POU6F2: variants seen among roughly 807,000 people sequenced by gnomAD.
The protein encoded by POU6F2 is POU domain, class 6, transcription factor 2.
Under a neutral mutation model 71.3 loss-of-function variants are expected in POU6F2, and 31 were observed. The ratio of observed to expected loss-of-function variants is 0.43; its 90% CI spans 0.33 to 0.59. The LOEUF is 0.59. POU6F2 is among the 20% of genes least tolerant of loss of function. The pLI, the probability that POU6F2 is intolerant of heterozygous loss-of-function variation, is 0.04. For synonymous variants in POU6F2, 347 were observed against 355.7 expected, an observed-to-expected ratio of 0.98 and a Z score of 0.27; for missense variants, 783 against 856.8, an observed-to-expected ratio of 0.91 and a Z score of 1.07.
chr7:39,366,267 A>G (rs919936805), intron 5 of POU6F2, among the ~76,000 whole-genome samples: 2 of 152,080 alleles, frequency 1.3e-5, no homozygotes, highest in African/African-American at 4.8e-5. Context: ...CTTGGGAGAT[A>G]CGGCTGAGGT....
At chr7:39,075,622 G>A (rs1464924) in intron 1 of POU6F2, among the ~76,000 whole-genome samples, 98,510 of 151,928 alleles carry the variant, frequency 0.65, 32,393 homozygotes, top group East Asian at 0.89. Context: ...CTTCTAATAC[G>A]CTGTGTGTTT....
chr7:39,388,816 C>G (rs182745801), intron 5 of POU6F2, among the ~76,000 whole-genome samples: 140 of 152,236 alleles, frequency 9.2e-4, no homozygotes, highest in Middle Eastern at 3.4e-3. Context: ...GAAACCATTT[C>G]TACTTGAGAT....
intron 5 of POU6F2, among the ~76,000 whole-genome samples, chr7:39,389,718 A>G (rs1040130801): frequency 6.6e-6 from 1 of 152,246 alleles, no homozygotes; most frequent in Non-Finnish European, 1.5e-5. Flanking sequence ...TTTCAAAAAC[A>G]AAATGAGATT....
intron 1 of POU6F2, among the ~76,000 whole-genome samples, chr7:39,026,171 C>A (rs1385503422): frequency 1.3e-4 from 19 of 151,622 alleles, no homozygotes; most frequent in Admixed American, 2.6e-4. Flanking sequence ...ACTAGTTCAA[C>A]CATTGTGGAA....
At chr7:39,112,070 A>G (rs1267767117) in intron 2 of POU6F2, among the ~76,000 whole-genome samples, 2 of 152,120 alleles carry the variant, frequency 1.3e-5, no homozygotes, top group Non-Finnish European at 2.9e-5. Flanking sequence ...GTTGCTATAG[A>G]TGGGATTCAG....
intron 2 of POU6F2, among the ~76,000 whole-genome samples, chr7:39,168,653 G>C (rs1793159784): frequency 6.6e-6 from 1 of 152,184 alleles, no homozygotes; most frequent in African/African-American, 2.4e-5. Flanking sequence ...TCCGATACAG[G>C]CTTAACTGGA....
At chr7:39,168,227 G>A (rs1042701954) in intron 2 of POU6F2, among the ~76,000 whole-genome samples, 4 of 152,046 alleles carry the variant, frequency 2.6e-5, no homozygotes, top group African/African-American at 9.7e-5. Context: ...GACAAAATGC[G>A]CTTTGTATTT....
chr7:39,422,712 AG>A (rs1246753254), intron 6 of POU6F2, among the ~76,000 whole-genome samples: 1 of 152,214 alleles, frequency 6.6e-6, no homozygotes, highest in African/African-American at 2.4e-5. Flanking sequence ...TCTACTCTCC[AG>A]TGGGAAATCA....
intron 4 of POU6F2, among the ~76,000 whole-genome samples, chr7:39,306,198 G>A (rs1474150822): frequency 1.3e-5 from 2 of 152,174 alleles, no homozygotes; most frequent in African/African-American, 4.8e-5. Flanking sequence ...CAATAAATTA[G>A]CATTGTTGAA....
chr7:39,464,242 T>C lies in POU6F2; in HGVS notation c.1719T>C (p.Ala573=). ...AGGAAGCCCAAGAGAACACTATAGC[T>C]AGCAGTCTGACAGCCAAACTGAACC... ...LPQEAQENTI[A]SSLTAKLNPG... is the part of the protein sequence containing the mutation. Residue 573 remains alanine, a synonymous_variant, in exon 10 of 10, where the codon GCT becomes GCC. Coordinates refer to ENST00000518318, the MANE Select transcript of POU6F2 (RefSeq NM_001370959.1). This position sits in a 1 kb window ranked among gnomAD's most constrained non-coding sequence, Gnocchi z 4.1. The C allele has an allele frequency of 6.2e-7, 1 of 1,613,964 alleles. No individual in the cohort carries two copies.
At chr7:39,303,515 A>G (rs1784992645) in intron 4 of POU6F2, among the ~76,000 whole-genome samples, 1 of 152,172 alleles carries the variant, frequency 6.6e-6, no homozygotes, top group African/African-American at 2.4e-5. Flanking sequence ...ACATTCTCAG[A>G]TTATAATTTT....
At chr7:39,309,060 G>C (rs962054509) in intron 4 of POU6F2, among the ~76,000 whole-genome samples, 10 of 152,196 alleles carry the variant, frequency 6.6e-5, no homozygotes, top group African/African-American at 2.2e-4. Context: ...GTCTTCTTCT[G>C]TGTCACCCAC....
chr7:39,092,709 T>A (rs1349972982), intron 2 of POU6F2, among the ~76,000 whole-genome samples: 1 of 152,174 alleles, frequency 6.6e-6, no homozygotes, highest in Non-Finnish European at 1.5e-5. Flanking sequence ...CTCCTGATTG[T>A]CAAAGTCAGA....
intron 1 of POU6F2, among the ~76,000 whole-genome samples, chr7:38,983,566 C>A (rs1169031559): frequency 6.6e-6 from 1 of 152,112 alleles, no homozygotes; most frequent in African/African-American, 2.4e-5. Context: ...TTCTGCATCT[C>A]AATTTGAAGA....
chr7:39,154,380 T>G (rs929287022), intron 2 of POU6F2, among the ~76,000 whole-genome samples: 10 of 152,168 alleles, frequency 6.6e-5, no homozygotes, highest in African/African-American at 2.4e-4. Context: ...AAGGCATTTA[T>G]AGAATTAAAT....
intron 2 of POU6F2, among the ~76,000 whole-genome samples, chr7:39,093,517 C>T (rs912402317): frequency 1.3e-5 from 2 of 152,008 alleles, no homozygotes; most frequent in African/African-American, 4.8e-5. Context: ...TTAATGAATA[C>T]GTGTATCCTG....
chr7:39,272,350 G>A (rs1263266815), intron 4 of POU6F2, among the ~76,000 whole-genome samples: 3 of 152,158 alleles, frequency 2.0e-5, no homozygotes, highest in Admixed American at 1.3e-4. Context: ...CAGTCAGCCT[G>A]ATCTGGCCTC....
At chr7:39,107,663 G>T (rs1243201604) in intron 2 of POU6F2, among the ~76,000 whole-genome samples, 1 of 151,902 alleles carries the variant, frequency 6.6e-6, no homozygotes, top group Admixed American at 6.6e-5. Context: ...GTAACACAAG[G>T]GATAGTGGAA....
intron 5 of POU6F2, among the ~76,000 whole-genome samples, chr7:39,397,814 G>GTATATATATA (rs150006644): frequency 0.055 from 7,088 of 128,222 alleles, 229 homozygotes; most frequent in East Asian, 0.13. Flanking sequence ...TATATTTTGT[G>GTATATATATA]TATATATATA....
Sources: allele counts gnomAD v4.1 joint callset (sites outside exome capture counted in the v4.1 genomes callset), GRCh38; gene constraint gnomAD v4.1.1; non-coding constraint Gnocchi (gnomAD v3.1); transcripts MANE v1.5; gene names NCBI Gene and HGNC (gene_info 2026-07-23, HGNC 2026-07-21).